The following EARS2 variants were observed in gnomAD, a reference collection of about 807,000 sequenced individuals.
The protein encoded by EARS2 is glutamyl-tRNA synthetase 2, mitochondrial.
In EARS2, 50 loss-of-function variants were observed where a neutral mutation model predicts 54.1. That is an observed-to-expected ratio of 0.92 (90% CI 0.74 to 1.17). The LOEUF (loss-of-function observed/expected upper bound fraction) is 1.17, where lower values mean the gene tolerates loss of function less well. EARS2 is among the 50% of genes most tolerant of loss of function. The probability of loss-of-function intolerance (pLI) is 0.00; values close to 1 mark genes in which losing one functional copy is unlikely to be tolerated. For missense variants in EARS2, 673 were observed against 675.0 expected (o/e 1.00, Z 0.03); for synonymous variants, 298 against 281.0 (o/e 1.06, Z -0.61).
rs2142158191 is a variant in EARS2, at chr16:23,524,401, C to G, written c.1542G>C (p.Arg514=). 1 of 1,614,178 alleles carries G rather than the reference C, an allele frequency of 6.2e-7. No homozygotes were observed. The highest frequency in any genetic ancestry group is 2.2e-5 in the East Asian group (1 of 44,878). The change falls in exon 9 of 9, where the codon CGG becomes CGC. Residue 514 remains arginine (R), a synonymous_variant. Transcript: ENST00000449606. ...MMLALGPKEV[R]ERIQKVVSS is the part of the protein sequence containing the mutation. Reference sequence around the variant, plus strand: ...TGGAAACCACCTTCTGGATCCGTTCCCGTACTTCCTTTGGTCCCAAGGCCA... The same window carrying G: ...TGGAAACCACCTTCTGGATCCGTTCGCGTACTTCCTTTGGTCCCAAGGCCA...
rs1965147408 is a variant in EARS2 at position 23,521,949 on chromosome 16, T to C, written c.*2422A>G. Reference sequence around the variant, plus strand: ...TGCCTCGTACTATAACCTCGGAAGTTTTAGTTAACTTTTCAGAACCTCGGT... The same window carrying C: ...TGCCTCGTACTATAACCTCGGAAGTCTTAGTTAACTTTTCAGAACCTCGGT... On this transcript the variant is annotated 3_prime_UTR_variant, in exon 9 of 9. Coordinates refer to ENST00000449606, the MANE Select transcript of EARS2 (RefSeq NM_001083614.2). 2.6e-6 allele frequency: 1 copy of C among 382,756 alleles called. No homozygotes were observed. The highest frequency in any genetic ancestry group is 2.1e-5 in the African/African-American group (1 of 47,270). The allele number at this position is 382,756 out of a possible 1,614,324, so 23.7% of individuals were successfully genotyped here.
chr16:23,535,088 G>A lies in EARS2; in HGVS notation c.758C>T (p.Ser253Phe). The change falls in exon 4 of 9, where the codon TCC becomes TTC. Residue 253 changes from serine (S) to phenylalanine (F), a missense_variant. By Grantham distance (155) the Ser-to-Phe change is radical. Coordinates refer to ENST00000449606, the MANE Select transcript of EARS2 (RefSeq NM_001083614.2). The stretch of plus-strand genomic sequence containing the variant: ...GTAGAGGAGCAGGTGCTTGGCAGTG[G>A]AGACGAGCCACTCAGAGCCTCGCAG... The part of the protein sequence containing the change: ...HVLRGSEWLV[S>F]TAKHLLLYQA... 1 of 1,602,964 alleles carries A rather than the reference G, an allele frequency of 6.2e-7. No individual in the cohort carries two copies. The highest frequency in any genetic ancestry group is 8.5e-7 in the Non-Finnish European group (1 of 1,175,764).
intron 2 of EARS2, among the ~76,000 whole-genome samples, chr16:23,548,428 C>T (rs1965641505): frequency 6.6e-6 from 1 of 152,120 alleles, no homozygotes; most frequent in Admixed American, 6.5e-5. Context: ...CACAATGATG[C>T]TGCCCCAGGA....
rs573038532 is a variant in EARS2 at position 23,547,087 on chromosome 16, T to C, written c.296-2384A>G. 2.0e-5 allele frequency among the ~76,000 whole-genome samples: 3 copies of C among 152,360 alleles called. No homozygotes were observed. The South Asian group carries it at 6.2e-4, about 32-fold the overall frequency. On this transcript the variant is annotated intron_variant, in intron 2 of 8. Transcript: ENST00000449606. ...TGGCATGTAAATGTTCATAGAGTTT[T>C]ATTGGACAGCCAAAAACCAGAGTAA...
At chr16:23,557,133 A>T in intron 1 of EARS2, 72 bp downstream of exon 1, 2 of 1,485,292 alleles carry the variant, frequency 1.3e-6, no homozygotes, top group Non-Finnish European at 1.8e-6. Context: ...GAAAGGATTC[A>T]TTCGGGAACA....
At chr16:23,533,332 G>A (rs929964760) in intron 4 of EARS2, among the ~76,000 whole-genome samples, 2 of 151,964 alleles carry the variant, frequency 1.3e-5, no homozygotes, top group Non-Finnish European at 2.9e-5. Flanking sequence ...TGTAGACATG[G>A]AGTTTCACTA....
At chr16:23,543,310 G>A (rs1023174290) in intron 3 of EARS2, among the ~76,000 whole-genome samples, 4 of 151,404 alleles carry the variant, frequency 2.6e-5, no homozygotes, top group African/African-American at 9.7e-5. Context: ...TACTTGGGAG[G>A]CTGAGATGGG....
chr16:23,530,065 G>T (rs1965299178), intron 5 of EARS2, 168 bp from the exon 6 acceptor site: 1 of 848,188 alleles, frequency 1.2e-6, no homozygotes, highest in Non-Finnish European at 1.8e-6. Flanking sequence ...AAAGGGATGT[G>T]ACTAAGGTCA....
rs781733789 is a variant in EARS2, at chr16:23,535,210, G to A, written c.636C>T (p.Ser212=). The change falls in exon 4 of 9, where the codon AGC becomes AGT. Residue 212 remains serine, a synonymous_variant. Transcript: ENST00000449606. ...VYGWNRHEVA[S]VEGDPVIMKS... ...TCATGATGACTGGGTCTCCCTCCACGCTGGCCACTTCATGCCTATTCCAGC... is the reference window on the plus strand; with the variant it reads ...TCATGATGACTGGGTCTCCCTCCACACTGGCCACTTCATGCCTATTCCAGC... 9 of 1,613,600 alleles carry A rather than the reference G, an allele frequency of 5.6e-6. No homozygotes were observed. Among genetic ancestry groups the A allele is most frequent in the Admixed American group, 1.7e-5 (1 of 60,022 alleles).
intron 3 of EARS2, among the ~76,000 whole-genome samples, chr16:23,541,044 G>A (rs773112307): frequency 1.3e-4 from 20 of 151,616 alleles, no homozygotes; most frequent in Admixed American, 4.0e-4. Flanking sequence ...GCCGAGTGTC[G>A]TAGCTCATGC....
At position 23,557,249 on chromosome 16, in the gene EARS2, T is replaced by C. The variant is rs1965813283; in HGVS notation, c.95A>G (p.Asp32Gly). ...VGRREANLGT[D>G]AGVAVRVRFA... Reference sequence around the variant, plus strand: ...CCGCACTCGCACCGCAACCCCGGCATCAGTGCCCAGGTTGGCCTCGCGCCG... The same window carrying C: ...CCGCACTCGCACCGCAACCCCGGCACCAGTGCCCAGGTTGGCCTCGCGCCG... Residue 32 changes from aspartate to glycine, a missense_variant, in exon 1 of 9, where the codon GAT becomes GGT. Asp to Gly is a moderately conservative substitution (Grantham distance 94). Transcript: ENST00000449606. 6.6e-7 allele frequency: 1 copy of C among 1,522,156 alleles called. No individual in the cohort carries two copies. The highest frequency in any genetic ancestry group is 8.7e-7 in the Non-Finnish European group (1 of 1,144,820). The allele number at this position is 1,522,156 out of a possible 1,614,324, so 94.3% of individuals were successfully genotyped here. A position where few individuals can be genotyped will look rare whatever the true frequency, so the allele number is the denominator to read the frequency against.
chr16:23,529,438 G>C lies in EARS2; in HGVS notation c.1352+64C>G, dbSNP rs931216888. 12 of 1,569,418 alleles carry C rather than the reference G, an allele frequency of 7.6e-6. No homozygotes were observed. In the South Asian group the frequency reaches 9.3e-5, roughly 12 times the overall value. ...CAACAGCCCAGCCCTGAAGGAAAGA[G>C]AGCCATGGGACAGAGAGAGGGAAGG... On this transcript the variant is annotated intron_variant, in intron 7 of 8. Transcript: ENST00000449606.
chr16:23,528,723 A>C (rs532037264), intron 7 of EARS2, among the ~76,000 whole-genome samples: 53 of 152,354 alleles, frequency 3.5e-4, no homozygotes, highest in Admixed American at 3.1e-3. Flanking sequence ...CAACATGGCA[A>C]GACCTTGTCT....
At chr16:23,546,949 G>C (rs995621003) in intron 2 of EARS2, among the ~76,000 whole-genome samples, 4 of 152,184 alleles carry the variant, frequency 2.6e-5, no homozygotes, top group Non-Finnish European at 5.9e-5. Flanking sequence ...AAATTTGGGG[G>C]GATCCCTTCC....
At chr16:23,526,498 C>T (rs2142161140) in intron 7 of EARS2, among the ~76,000 whole-genome samples, 1 of 152,140 alleles carries the variant, frequency 6.6e-6, no homozygotes, top group Non-Finnish European at 1.5e-5. Flanking sequence ...TGAGACATTA[C>T]AAAAGGATCT....
rs755030622 is a variant in EARS2, at chr16:23,535,063, G to A, written c.783C>T (p.Tyr261=). Residue 261 remains tyrosine, a synonymous_variant, in exon 4 of 9, where the codon TAC becomes TAT. Transcript: ENST00000449606. ...LVSTAKHLLL[Y]QALGWQPPHF... is the part of the protein sequence containing the mutation. ...GGGGTGGCTGCCAGCCCAGGGCCTG[G>A]TAGAGGAGCAGGTGCTTGGCAGTGG... 3 of 1,606,922 alleles carry A rather than the reference G, an allele frequency of 1.9e-6. No individual in the cohort carries two copies. Among genetic ancestry groups the A allele is most frequent in the East Asian group, 4.5e-5 (2 of 44,552 alleles).
chr16:23,529,349 T>TC (rs1431305399), intron 7 of EARS2, among the ~76,000 whole-genome samples, 153 bp downstream of exon 7: 1 of 152,132 alleles, frequency 6.6e-6, no homozygotes, highest in Non-Finnish European at 1.5e-5. Context: ...GGGTAAGCCC[T>TC]CCTCACCAGC....
intron 5 of EARS2, among the ~76,000 whole-genome samples, chr16:23,531,409 C>T (rs9924189): frequency 0.083 from 12,672 of 151,944 alleles, 933 homozygotes; most frequent in African/African-American, 0.19. Context: ...TACAGGTGCC[C>T]GCCACCACAC....
rs757855688 is a variant in EARS2, at chr16:23,525,369, T to C, written c.1363A>G (p.Arg455Gly). ...IAKRVLGLLE[R>G]SSMSLTQDML... ...TCCTGAGTTAAGCTCATACTAGATC[T>C]TTCTAGAAGCCTAGAAGAAGAGGGC... Residue 455 changes from arginine (R) to glycine (G), a missense_variant, in exon 8 of 9, where the codon AGA becomes GGA. Transcript: ENST00000449606. 8.1e-6 allele frequency: 13 copies of C among 1,612,604 alleles called. No individual in the cohort carries two copies. Among genetic ancestry groups the C allele is most frequent in the Non-Finnish European group, 1.0e-5 (12 of 1,179,520 alleles).
Sources: gnomAD v4.1 joint callset for allele counts (sites outside exome capture counted in the v4.1 genomes callset) on GRCh38, gnomAD v4.1.1 for gene constraint, MANE v1.5 for transcripts, NCBI Gene and HGNC (gene_info 2026-07-23, HGNC 2026-07-21) for gene names.